The following LRIG1 variants were observed in gnomAD, a reference collection of about 807,000 sequenced individuals.
LRIG1 encodes the protein leucine rich repeats and immunoglobulin like domains 1.
LRIG1 carries 48 observed loss-of-function variants against 99.2 expected under a neutral mutation model. The ratio of observed to expected loss-of-function variants is 0.48; its 90% confidence interval spans 0.38 to 0.62. LRIG1 has a LOEUF of 0.62. Among genes scored for constraint, LRIG1 ranks in the 20% least tolerant of loss-of-function variants. LRIG1 has a pLI of 0.00. For synonymous variants in LRIG1, 772 were observed against 596.1 expected, an observed-to-expected ratio of 1.29 and a Z score of -4.30; for missense variants, 1,646 against 1,434.4, an observed-to-expected ratio of 1.15 and a Z score of -2.38.
At position 66,407,306 on chromosome 3, in the gene LRIG1, C is replaced by T. The variant is rs751304648; in HGVS notation, c.1079+42G>A. ...GATGGTTTGCTCTATTCTGCTCTCC[C>T]CACTGGGGACCCCTTTATCCTGTCA... On this transcript the variant is annotated intron_variant, in intron 8 of 18. Transcript: ENST00000273261. 1.9e-6 allele frequency: 3 copies of T among 1,612,104 alleles called. No homozygotes were observed. The African/African-American group carries it at 4.0e-5, about 22-fold the overall frequency.
intron 11 of LRIG1, among the ~76,000 whole-genome samples, chr3:66,395,628 G>C (rs780533508): frequency 1.3e-5 from 2 of 152,114 alleles, no homozygotes; most frequent in Non-Finnish European, 2.9e-5. Flanking sequence ...TTTATTTCAC[G>C]GGCAGGTAGC....
chr3:66,404,162 T>C, intron 9 of LRIG1: 3 of 984,092 alleles, frequency 3.0e-6, no homozygotes, highest in Non-Finnish European at 4.2e-6. Flanking sequence ...GACCCTTGTA[T>C]ATAAAAGGTG....
intron 3 of LRIG1, among the ~76,000 whole-genome samples, chr3:66,449,986 C>A (rs1191247914): frequency 6.6e-6 from 1 of 152,234 alleles, no homozygotes; most frequent in Non-Finnish European, 1.5e-5. Context: ...ATGACCTGTG[C>A]TTTAAGCAGC....
rs747526571 is a variant in LRIG1 at position 66,417,227 on chromosome 3, C to T, written c.405G>A (p.Leu135=). Residue 135 remains leucine, a synonymous_variant, in exon 4 of 19, where the codon CTG becomes CTA. Coordinates refer to ENST00000273261, the MANE Select transcript of LRIG1 (RefSeq NM_015541.3). ...ACACTTCTAAGGAAAGGTAGGCCTTCAGCTGGCTCCCCTCCACGCTGCGAA... is the reference window on the plus strand; with the variant it reads ...ACACTTCTAAGGAAAGGTAGGCCTTTAGCTGGCTCCCCTCCACGCTGCGAA... ...NKIRSVEGSQ[L]KAYLSLEVLD... 1.2e-6 allele frequency: 2 copies of T among 1,614,188 alleles called. No individual in the cohort carries two copies. Among genetic ancestry groups the T allele is most frequent in the Non-Finnish European group, 1.7e-6 (2 of 1,180,034 alleles).
chr3:66,404,670 A>G (rs1364497235), intron 9 of LRIG1, among the ~76,000 whole-genome samples: 3 of 152,174 alleles, frequency 2.0e-5, no homozygotes, highest in African/African-American at 7.2e-5. Context: ...TGCTTGGCAG[A>G]TTAACTGGCA....
chr3:66,382,356 G>A lies in LRIG1; in HGVS notation c.2534C>T (p.Ser845Phe). ...TTGTCGGTCAGAAAGGGTCCCCTGAGAAGAGAGGTAGCTTGGAACATCTGG... is the reference window on the plus strand; with the variant it reads ...TTGTCGGTCAGAAAGGGTCCCCTGAAAAGAGAGGTAGCTTGGAACATCTGG... Reference protein sequence around the residue: ...VPPDVPSYLSSQGTLSDRQET... With the variant: ...VPPDVPSYLSFQGTLSDRQET... Residue 845 changes from serine to phenylalanine, a missense_variant, in exon 16 of 19, where the codon TCT (serine) becomes TTT (phenylalanine). Coordinates refer to ENST00000273261, the MANE Select transcript of LRIG1 (RefSeq NM_015541.3). 1.2e-6 allele frequency: 2 copies of A among 1,614,216 alleles called. No individual in the cohort carries two copies. Among genetic ancestry groups the A allele is most frequent in the Non-Finnish European group, 1.7e-6 (2 of 1,180,034 alleles).
chr3:66,381,662 T>A, intron 16 of LRIG1, 31 bp from the exon 17 acceptor site: 2 of 1,602,324 alleles, frequency 1.2e-6, no homozygotes, highest in South Asian at 1.1e-5. Flanking sequence ...GATTAGAAAC[T>A]CTGGGCTTGG....
intron 4 of LRIG1, among the ~76,000 whole-genome samples, 188 bp downstream of exon 4, chr3:66,416,941 G>T (rs6786813): frequency 1.3e-5 from 2 of 152,104 alleles, no homozygotes; most frequent in South Asian, 4.1e-4. Flanking sequence ...GGATCTGGAC[G>T]TGCTCTATGC....
At chr3:66,386,345 C>G in intron 12 of LRIG1, 44 bp from the exon 13 acceptor site, 9 of 1,513,236 alleles carry the variant, frequency 5.9e-6, no homozygotes, top group Non-Finnish European at 7.3e-6. Context: ...GTTCTTGGTA[C>G]ACAGAGGAAC....
At chr3:66,398,304 A>T in intron 10 of LRIG1, 121 bp from the exon 11 acceptor site, 3 of 709,466 alleles carry the variant, frequency 4.2e-6, no homozygotes, top group Non-Finnish European at 7.3e-6. Flanking sequence ...CCTAACTACT[A>T]TAAGTGGCTG....
In LRIG1 at chr3:66,380,346, C is replaced by G; in HGVS notation, c.3199G>C (p.Asp1067His). 2.5e-6 allele frequency: 4 copies of G among 1,614,166 alleles called. No individual in the cohort carries two copies. The highest frequency in any genetic ancestry group is 3.4e-6 in the Non-Finnish European group (4 of 1,180,036). ...VSNGHLPKAC[D>H]ASPESTPLTG... ...AGTGGCGTGGACTCGGGACTGGCGTCACATGCTTTGGGGAGGTGGCCATTG... is the reference window on the plus strand; with the variant it reads ...AGTGGCGTGGACTCGGGACTGGCGTGACATGCTTTGGGGAGGTGGCCATTG... The change falls in exon 19 of 19, where the codon GAC (aspartate) becomes CAC (histidine). Residue 1067 changes from aspartate to histidine, a missense_variant. By Grantham distance (81) the Asp-to-His change is moderately conservative (BLOSUM62 -1). Coordinates refer to ENST00000273261, the MANE Select transcript of LRIG1 (RefSeq NM_015541.3).
At chr3:66,382,199 G>A in intron 16 of LRIG1, 74 bp downstream of exon 16, 1 of 1,579,460 alleles carries the variant, frequency 6.3e-7, no homozygotes. Flanking sequence ...GCCCTGTAAA[G>A]ACCTGGAGGC....
intron 3 of LRIG1, among the ~76,000 whole-genome samples, chr3:66,429,651 T>G (rs375158997): frequency 6.6e-6 from 1 of 152,186 alleles, no homozygotes; most frequent in Non-Finnish European, 1.5e-5. Flanking sequence ...GCACATGTGA[T>G]TATACATTTG....
At position 66,500,395 on chromosome 3, in the gene LRIG1, C is replaced by G. The variant is rs1417353230; in HGVS notation, c.13G>C (p.Val5Leu). 1 of 1,424,836 alleles carries G rather than the reference C, an allele frequency of 7.0e-7. No homozygotes were observed. The highest frequency in any genetic ancestry group is 1.5e-5 in the African/African-American group (1 of 67,820). 88.3% of individuals were successfully genotyped at this position (1,424,836 alleles called of 1,614,324 possible). A position where few individuals can be genotyped will look rare whatever the true frequency, so the allele number is the denominator to read the frequency against. The change falls in exon 1 of 19, where the codon GTC becomes CTC. Residue 5 changes from valine to leucine, a missense_variant. Transcript: ENST00000273261. MARPVRGGLGAPRRS... is the reference protein window; with the variant it reads MARPLRGGLGAPRRS... The stretch of plus-strand genomic sequence containing the variant: ...CGCGGGGCCCCGAGCCCTCCCCGGA[C>G]CGGCCGCGCCATCTTGTCTGGAGCG...
Position 66,380,602 on chromosome 3 carries a change from C to G in LRIG1, c.3030G>C (p.Lys1010Asn), listed in dbSNP as rs1043569150. 3.1e-6 allele frequency: 5 copies of G among 1,613,972 alleles called. No homozygotes were observed. The African/African-American group carries it at 6.7e-5, about 22-fold the overall frequency. ...CTTTCCCATCTAGAGATGCCATTGG[C>G]TTTTTCTTCACAGCCGTCAGCATTC... ...HDRMLTAVKK[K>N]PMASLDGKGD... The change falls in exon 18 of 19, where the codon AAG (lysine) becomes AAC (asparagine). Residue 1010 changes from lysine to asparagine, a missense_variant. Transcript: ENST00000273261.
At position 66,417,235 on chromosome 3, in the gene LRIG1, T is replaced by C. The variant is rs745430410; in HGVS notation, c.397A>G (p.Ser133Gly). Reference protein sequence around the residue: ...QHNKIRSVEGSQLKAYLSLEV... With the variant: ...QHNKIRSVEGGQLKAYLSLEV... ...AAGGAAAGGTAGGCCTTCAGCTGGC[T>C]CCCCTCCACGCTGCGAATCTTGTTG... The change falls in exon 4 of 19, where the codon AGC becomes GGC. Residue 133 changes from serine to glycine, a missense_variant. Coordinates refer to ENST00000273261, the MANE Select transcript of LRIG1 (RefSeq NM_015541.3). 1 of 1,614,104 alleles carries C rather than the reference T, an allele frequency of 6.2e-7. No individual in the cohort carries two copies. Among genetic ancestry groups the C allele is most frequent in the Non-Finnish European group, 8.5e-7 (1 of 1,180,004 alleles).
In LRIG1 at chr3:66,423,691, G is replaced by C. The variant is rs116430540; in HGVS notation, c.366-6425C>G. 7.5e-3 allele frequency among the ~76,000 whole-genome samples: 1,148 copies of C among 152,314 alleles called. 18 individuals carry two copies. The highest frequency in any genetic ancestry group is 0.026 in the African/African-American group (1,096 of 41,562). On this transcript the variant is annotated intron_variant, in intron 3 of 18. Transcript: ENST00000273261. ...GTCCATGGTCTCCAAGGCACATGTG[G>C]AGTTCTTCCTGCTGTGGAACATGGC...
chr3:66,381,521 CT>C lies in LRIG1; in HGVS notation c.2727del (p.Ala910ArgfsTer95), dbSNP rs1559762976. 1 of 1,614,066 alleles carries C rather than the reference CT, an allele frequency of 6.2e-7. No individual in the cohort carries two copies. The highest frequency in any genetic ancestry group is 8.5e-7 in the Non-Finnish European group (1 of 1,179,920). The stretch of plus-strand genomic sequence containing the variant: ...GGTGTCCCTTCAGCTTTCTCCATCG[CT>C]TTCCACGGCTCTTTGTGATACGCAG... ...AGSAYHKEPW[K>X]AMEKAEGTPG... On this transcript the variant is annotated frameshift_variant, in exon 17 of 19. Coordinates refer to ENST00000273261, the MANE Select transcript of LRIG1 (RefSeq NM_015541.3). LOFTEE classifies it high-confidence loss of function.
intron 3 of LRIG1, among the ~76,000 whole-genome samples, chr3:66,419,335 C>G (rs1443255146): frequency 6.6e-6 from 1 of 152,146 alleles, no homozygotes; most frequent in African/African-American, 2.4e-5. Context: ...TTCGCTGAAT[C>G]AAACACAATC....
Sources: gnomAD v4.1 joint callset for allele counts (sites outside exome capture counted in the v4.1 genomes callset) on GRCh38, gnomAD v4.1.1 for gene constraint, MANE v1.5 for transcripts, NCBI Gene and HGNC (gene_info 2026-07-23, HGNC 2026-07-21) for gene names.